IQUB: variants seen among roughly 807,000 people sequenced by gnomAD.
The protein encoded by IQUB is IQ motif and ubiquitin-like domain-containing protein.
In IQUB, 86 loss-of-function variants were observed where a neutral mutation model predicts 86.4. That is an observed-to-expected ratio of 1.00 (90% CI 0.84 to 1.19). The LOEUF (loss-of-function observed/expected upper bound fraction) is 1.19. Ranked by LOEUF, IQUB falls within the 50% of genes most tolerant of loss-of-function variation. The pLI is 0.00. For synonymous variants in IQUB, 289 were observed against 304.5 expected (o/e 0.95, Z 0.53); for missense variants, 946 against 916.9 (o/e 1.03, Z -0.41).
intron 3 of IQUB, among the ~76,000 whole-genome samples, chr7:123,506,573 G>T (rs1796186628): frequency 6.6e-6 from 1 of 152,046 alleles, no homozygotes; most frequent in African/African-American, 2.4e-5. Context: ...AGCAAAGGGG[G>T]AGGTGCTGAA....
chr7:123,512,168 A>T lies in IQUB; in HGVS notation c.173T>A (p.Ile58Lys), dbSNP rs775358969. The change falls in exon 2 of 13, where the codon ATA (isoleucine) becomes AAA (lysine). Residue 58 changes from isoleucine to lysine, a missense_variant. Physicochemically the swap from Ile to Lys is moderately radical, Grantham distance 102 (BLOSUM62 -3). Coordinates refer to ENST00000324698, the MANE Select transcript of IQUB (RefSeq NM_178827.5). ...TTGGTCACTCTGCTCCTCAACATGTATTGCATGGCTCTCACTGAATTGTTC... is the reference window on the plus strand; with the variant it reads ...TTGGTCACTCTGCTCCTCAACATGTTTTGCATGGCTCTCACTGAATTGTTC... ...GIEQFSESHA[I>K]HVEEQSDQSF... 3.1e-6 allele frequency: 5 copies of T among 1,614,020 alleles called. No homozygotes were observed. The highest frequency in any genetic ancestry group is 3.4e-6 in the Non-Finnish European group (4 of 1,179,936).
intron 5 of IQUB, 44 bp downstream of exon 5, chr7:123,502,900 A>G: frequency 6.7e-7 from 1 of 1,496,090 alleles, no homozygotes; most frequent in East Asian, 2.3e-5. Flanking sequence ...ACAATTATTG[A>G]GTCTATACCT....
At chr7:123,522,906 A>G in intron 1 of IQUB, among the ~76,000 whole-genome samples, 1 of 130,586 alleles carries the variant, frequency 7.7e-6, no homozygotes, top group Non-Finnish European at 1.6e-5. Context: ...TCCAGTGTCC[A>G]TGTGTTCTCA....
intron 1 of IQUB, among the ~76,000 whole-genome samples, chr7:123,525,901 GT>G (rs1312669035): frequency 6.9e-6 from 1 of 145,874 alleles, no homozygotes; most frequent in Non-Finnish European, 1.5e-5. Context: ...GGTATGTTGT[GT>G]CTTTGTTCTC....
chr7:123,477,402 C>T lies in IQUB; in HGVS notation c.1410+2393G>A, dbSNP rs370082368. Among the ~76,000 whole-genome samples, 43 of 152,284 alleles carry T rather than the reference C, an allele frequency of 2.8e-4. 1 individual carries two copies. In the East Asian group the frequency reaches 3.3e-3, roughly 12 times the overall value. ...GCTAGCCATATGGAGAAAGCTGAAA[C>T]TGGATCCCTTCCTTACACACCTTAT... On this transcript the variant is annotated intron_variant, in intron 8 of 12. Transcript: ENST00000324698.
At chr7:123,465,917 G>A (rs547638327) in intron 9 of IQUB, among the ~76,000 whole-genome samples, 2 of 152,152 alleles carry the variant, frequency 1.3e-5, no homozygotes, top group South Asian at 2.1e-4. Flanking sequence ...CATTCATGCT[G>A]TCCCTCTCTC....
chr7:123,487,592 T>A (rs1342254862), intron 7 of IQUB, among the ~76,000 whole-genome samples: 1 of 152,260 alleles, frequency 6.6e-6, no homozygotes. Context: ...CACCAGAGAA[T>A]TTTTCAAACC....
intron 7 of IQUB, among the ~76,000 whole-genome samples, chr7:123,484,840 T>A (rs997037219): frequency 1.3e-5 from 2 of 152,144 alleles, no homozygotes; most frequent in Middle Eastern, 3.4e-3. Context: ...CCAGTAAAAT[T>A]CTCTATTAGA....
intron 7 of IQUB, among the ~76,000 whole-genome samples, chr7:123,492,056 C>T (rs894613845): frequency 1.3e-5 from 2 of 152,136 alleles, no homozygotes; most frequent in African/African-American, 2.4e-5. Flanking sequence ...AGCTCTTCAT[C>T]CTTTCTGCTA....
At chr7:123,513,541 C>G (rs1305091923) in intron 1 of IQUB, among the ~76,000 whole-genome samples, 1 of 152,082 alleles carries the variant, frequency 6.6e-6, no homozygotes, top group Non-Finnish European at 1.5e-5. Context: ...CTAAAAAAAA[C>G]CTGTGAAGTC....
chr7:123,510,144 A>C, intron 2 of IQUB, 109 bp from the exon 3 acceptor site: 1 of 673,868 alleles, frequency 1.5e-6, no homozygotes, highest in South Asian at 2.6e-5. Flanking sequence ...ATTACATAGA[A>C]TACAAGTTGT....
chr7:123,493,435 G>A (rs541056703), intron 7 of IQUB, among the ~76,000 whole-genome samples: 2 of 152,148 alleles, frequency 1.3e-5, no homozygotes, highest in South Asian at 4.2e-4. Context: ...TCTTTATGAG[G>A]GAGAGAGAGA....
At chr7:123,500,007 C>A (rs913533034) in intron 6 of IQUB, among the ~76,000 whole-genome samples, 11 of 152,194 alleles carry the variant, frequency 7.2e-5, no homozygotes, top group Admixed American at 2.6e-4. Flanking sequence ...ACACTCCCAC[C>A]AGCGCCAAGA....
At chr7:123,476,569 C>T (rs1217812435) in intron 8 of IQUB, among the ~76,000 whole-genome samples, 1 of 151,906 alleles carries the variant, frequency 6.6e-6, no homozygotes, top group Non-Finnish European at 1.5e-5. Context: ...AGTGAGGCCA[C>T]TTTGGCAGTG....
At chr7:123,503,889 C>G (rs946871006) in intron 3 of IQUB, among the ~76,000 whole-genome samples, 1 of 151,964 alleles carries the variant, frequency 6.6e-6, no homozygotes, top group African/African-American at 2.4e-5. Context: ...ATAAATAACA[C>G]TACATTACTC....
At chr7:123,526,746 G>C (rs563850633) in intron 1 of IQUB, among the ~76,000 whole-genome samples, 1 of 150,940 alleles carries the variant, frequency 6.6e-6, no homozygotes, top group South Asian at 2.1e-4. Flanking sequence ...TCATTATGAT[G>C]TTAGCTGGTT....
At chr7:123,473,673 TC>T (rs368893085) in intron 8 of IQUB, among the ~76,000 whole-genome samples, 2 of 152,134 alleles carry the variant, frequency 1.3e-5, no homozygotes, top group African/African-American at 4.8e-5. Flanking sequence ...CCTCCCGGGT[TC>T]AAGTGATTCT....
chr7:123,521,690 C>T (rs1237297557), intron 1 of IQUB, among the ~76,000 whole-genome samples: 1 of 100,782 alleles, frequency 9.9e-6, no homozygotes, highest in Non-Finnish European at 2.2e-5. Flanking sequence ...ACAGAGATCA[C>T]AGTTCTCTGT....
chr7:123,514,028 A>G (rs546070868), intron 1 of IQUB, among the ~76,000 whole-genome samples: 1 of 152,368 alleles, frequency 6.6e-6, no homozygotes, highest in South Asian at 2.1e-4. Flanking sequence ...TCCAGGAAGC[A>G]TAACATAAAT....
Sources: gnomAD v4.1 joint callset for allele counts (sites outside exome capture counted in the v4.1 genomes callset) on GRCh38, gnomAD v4.1.1 for gene constraint, MANE v1.5 for transcripts, NCBI Gene and HGNC (gene_info 2026-07-23, HGNC 2026-07-21) for gene names.